Variants in TOX3 observed in about 807,000 individuals in gnomAD.
TOX3 encodes the protein TOX high mobility group box family member 3, also known as CAG trinucleotide repeat-containing gene F9 protein.
Under a neutral mutation model 64.3 loss-of-function variants are expected in TOX3, and 22 were observed. The observed-to-expected ratio is 0.34, with a 90% confidence interval of 0.24 to 0.49. The LOEUF is 0.49. TOX3 is among the 20% of genes least tolerant of loss of function. The pLI, the probability that TOX3 is intolerant of heterozygous loss-of-function variation, is 0.99. For synonymous variants in TOX3, 291 were observed against 273.6 expected (o/e 1.06, Z -0.63); for missense variants, 661 against 714.4 (o/e 0.93, Z 0.85).
At chr16:52,456,180 A>C (rs2151750199) in intron 3 of TOX3, among the ~76,000 whole-genome samples, 1 of 152,330 alleles carries the variant, frequency 6.6e-6, no homozygotes, top group Non-Finnish European at 1.5e-5. Context: ...GCTGCCATTG[A>C]AAGTTTAAAG....
At chr16:52,478,559 TTCTAGAATAGACAGTCCATTTG>T (rs1363059987) in intron 1 of TOX3, among the ~76,000 whole-genome samples, 1 of 152,216 alleles carries the variant, frequency 6.6e-6, no homozygotes, top group Non-Finnish European at 1.5e-5. Flanking sequence ...TTTCTCTCCG[TTCTAGAATAGACAGTCCATTTG>T]TCTAGTTCAA....
intron 1 of TOX3, among the ~76,000 whole-genome samples, chr16:52,493,850 C>T (rs1393435084): frequency 6.6e-6 from 1 of 152,168 alleles, no homozygotes; most frequent in Non-Finnish European, 1.5e-5. Context: ...GTTCTTCAGT[C>T]ACTGCCACAC....
intron 1 of TOX3, among the ~76,000 whole-genome samples, chr16:52,538,487 C>T (rs1596870120): frequency 6.6e-6 from 1 of 152,156 alleles, no homozygotes. Context: ...TTTTAAAACT[C>T]ACTCTTATCA....
intron 1 of TOX3, among the ~76,000 whole-genome samples, chr16:52,512,914 C>T (rs994977159): frequency 3.3e-5 from 5 of 152,196 alleles, no homozygotes; most frequent in Admixed American, 3.3e-4. Context: ...AGCTAGAGAA[C>T]ACGGTGTGAG....
chr16:52,439,185 C>G lies in TOX3; in HGVS notation c.*40G>C. 6.2e-7 allele frequency: 1 copy of G among 1,613,114 alleles called. No homozygotes were observed. Among genetic ancestry groups the G allele is most frequent in the South Asian group, 1.1e-5 (1 of 90,762 alleles). The stretch of plus-strand genomic sequence containing the variant: ...ACATATGCTTTTCCCTCCTATGCCA[C>G]TCTCCTTGGTATACGCAAATCCGTC... On this transcript the variant is annotated 3_prime_UTR_variant, in exon 7 of 7. Transcript: ENST00000219746.
chr16:52,487,907 T>G lies in TOX3; in HGVS notation c.88-19333A>C, dbSNP rs554795859. ...TTTTTGGAATCAAATATTTAATGAC[T>G]AAGAGGGAAAAGCAAATTTTCCCCC... is the stretch of plus-strand genomic sequence containing the variant. On this transcript the variant is annotated intron_variant, in intron 1 of 6. Transcript: ENST00000219746. Among the ~76,000 whole-genome samples the G allele has an allele frequency of 3.3e-5, 5 of 152,322 alleles. No individual in the cohort carries two copies. In the East Asian group the frequency reaches 9.7e-4, roughly 29 times the overall value.
intron 1 of TOX3, among the ~76,000 whole-genome samples, chr16:52,481,662 T>C (rs1451005653): frequency 6.6e-6 from 1 of 152,238 alleles, no homozygotes; most frequent in African/African-American, 2.4e-5. Flanking sequence ...TGGGAATCTA[T>C]GAAACCACTG....
At chr16:52,475,067 C>T (rs576935457) in intron 1 of TOX3, among the ~76,000 whole-genome samples, 2 of 152,230 alleles carry the variant, frequency 1.3e-5, no homozygotes, top group African/African-American at 2.4e-5. Context: ...TCAGATGTCA[C>T]CTTCTCTCTG....
chr16:52,450,932 G>T (rs1233240461), intron 3 of TOX3, among the ~76,000 whole-genome samples: 2 of 152,280 alleles, frequency 1.3e-5, no homozygotes, highest in Admixed American at 1.3e-4. Context: ...TAAACTGGTG[G>T]CAGGGAAAGG....
intron 6 of TOX3, 92 bp from the exon 7 acceptor site, chr16:52,440,060 T>A: frequency 9.3e-7 from 1 of 1,073,008 alleles, no homozygotes. Flanking sequence ...TGATTTTTTT[T>A]AACGGCCACC....
chr16:52,458,126 T>G (rs1960576925), intron 3 of TOX3, among the ~76,000 whole-genome samples: 1 of 152,138 alleles, frequency 6.6e-6, no homozygotes, highest in Non-Finnish European at 1.5e-5. Context: ...CCCCCTCCCC[T>G]CCATTTTAAC....
chr16:52,473,423 C>G (rs1209148706), intron 1 of TOX3, among the ~76,000 whole-genome samples: 2 of 152,052 alleles, frequency 1.3e-5, no homozygotes, highest in Non-Finnish European at 2.9e-5. Context: ...GATTTATTAG[C>G]AGACACCATC....
intron 1 of TOX3, among the ~76,000 whole-genome samples, chr16:52,508,352 G>A (rs915879763): frequency 2.0e-5 from 3 of 152,180 alleles, no homozygotes; most frequent in African/African-American, 7.2e-5. Flanking sequence ...ATGTGCAACA[G>A]CGTGCATACA....
At position 52,440,740 on chromosome 16, in the gene TOX3, TTTTC is replaced by T. The variant is rs750711096; in HGVS notation, c.988-776_988-773del. The stretch of plus-strand genomic sequence containing the variant: ...TCTGTAACATTGGGTTATATGGTAT[TTTTC>T]TTTCTTTCTTTTTTTTTTTTTTTTT... On this transcript the variant is annotated intron_variant, in intron 6 of 6. Transcript: ENST00000219746. Among the ~76,000 whole-genome samples the T allele has an allele frequency of 1.6e-3, 230 of 143,712 alleles. 21 individuals carry two copies. The highest frequency in any genetic ancestry group is 6.2e-3 in the East Asian group (26 of 4,196). 94.3% of individuals were successfully genotyped at this position (143,712 alleles called of 152,430 possible).
chr16:52,519,678 C>T (rs1189975259), intron 1 of TOX3: 4 of 1,179,576 alleles, frequency 3.4e-6, no homozygotes, highest in Non-Finnish European at 4.5e-6. Flanking sequence ...GTAGAATGGG[C>T]TGGGCGCAGT....
In TOX3 at chr16:52,464,040, T is replaced by C. The variant is rs775173684; in HGVS notation, c.302A>G (p.Glu101Gly). Reference sequence around the variant, plus strand: ...TTGAGGGGGAAACTGGGGTGTGAATTCACTTCCCTGGGAAGGCAATGGATC... The same window carrying C: ...TTGAGGGGGAAACTGGGGTGTGAATCCACTTCCCTGGGAAGGCAATGGATC... ...LSDPLPSQGS[E>G]FTPQFPPQSL... Residue 101 changes from glutamate to glycine, a missense_variant, in exon 3 of 7, where the codon GAA becomes GGA. Physicochemically the swap from Glu to Gly is moderately conservative, Grantham distance 98. Transcript: ENST00000219746. 1.9e-6 allele frequency: 3 copies of C among 1,602,164 alleles called. No homozygotes were observed. Among genetic ancestry groups the C allele is most frequent in the African/African-American group, 1.3e-5 (1 of 74,654 alleles).
chr16:52,533,510 A>C (rs1161559466), intron 1 of TOX3, among the ~76,000 whole-genome samples: 1 of 152,214 alleles, frequency 6.6e-6, no homozygotes, highest in Non-Finnish European at 1.5e-5. Flanking sequence ...CCTTTTCAAC[A>C]GAGTTCAACA....
intron 1 of TOX3, among the ~76,000 whole-genome samples, chr16:52,503,483 T>C (rs575236802): frequency 4.6e-5 from 7 of 152,312 alleles, no homozygotes; most frequent in East Asian, 3.9e-4. Context: ...TTAATGATAC[T>C]ATAAAAACAC....
chr16:52,537,894 A>AG (rs1302765494), intron 1 of TOX3, among the ~76,000 whole-genome samples: 6 of 151,340 alleles, frequency 4.0e-5, no homozygotes, highest in Admixed American at 6.6e-5. Context: ...AAAAAAAAAA[A>AG]AAAAAAGAAA....
Sources: gnomAD v4.1 joint callset for allele counts (sites outside exome capture counted in the v4.1 genomes callset) on GRCh38, gnomAD v4.1.1 for gene constraint, MANE v1.5 for transcripts, NCBI Gene and HGNC (gene_info 2026-07-23, HGNC 2026-07-21) for gene names.